Variants in MAVS observed in about 807,000 individuals in gnomAD.
The protein encoded by MAVS is mitochondrial antiviral-signaling protein.
MAVS carries 20 observed loss-of-function variants against 30.2 expected under a neutral mutation model. That is an observed-to-expected ratio of 0.66 (90% CI 0.47 to 0.96). The LOEUF is 0.96. Among genes scored for constraint, MAVS ranks in the 40% least tolerant of loss-of-function variants. The pLI is 0.00. For synonymous variants in MAVS, 278 were observed against 293.9 expected, an observed-to-expected ratio of 0.95 and a Z score of 0.55; for missense variants, 624 against 701.1, an observed-to-expected ratio of 0.89 and a Z score of 1.24.
In MAVS at chr20:3,864,371, TG is replaced by T; in HGVS notation, c.742del (p.Val248TyrfsTer55). On this transcript the variant is annotated frameshift_variant, in exon 6 of 7. Coordinates refer to ENST00000428216, the MANE Select transcript of MAVS (RefSeq NM_020746.5). LOFTEE classifies it high-confidence loss of function. ...SRLPGPTGSVVSTGTSFSSSS... is the reference protein window; with the variant it reads ...SRLPGPTGSVXSTGTSFSSSS... ...GCTTGCCTGGACCCACAGGGTCAGT[TG>T]TATCTACTGGCACCTCCTTCTCCTC... 6.2e-7 allele frequency: 1 copy of T among 1,614,052 alleles called. No homozygotes were observed. The highest frequency in any genetic ancestry group is 8.5e-7 in the Non-Finnish European group (1 of 1,180,012).
chr20:3,856,211 T>C (rs1221856205), intron 2 of MAVS, among the ~76,000 whole-genome samples: 3 of 151,256 alleles, frequency 2.0e-5, no homozygotes, highest in South Asian at 2.1e-4. Context: ...CCTGCCACCA[T>C]GCCCGGCTAA....
In MAVS at chr20:3,867,347, C is replaced by T; in HGVS notation, c.*1200C>T. ...ATGTAGGTCTTAGGATGAGTCCTGGCATTTACCAAGGGTTGGATATATGTT... is the reference window on the plus strand; with the variant it reads ...ATGTAGGTCTTAGGATGAGTCCTGGTATTTACCAAGGGTTGGATATATGTT... On this transcript the variant is annotated 3_prime_UTR_variant, in exon 7 of 7. Coordinates refer to ENST00000428216, the MANE Select transcript of MAVS (RefSeq NM_020746.5). 1 of 296,356 alleles carries T rather than the reference C, an allele frequency of 3.4e-6. No homozygotes were observed. 18.4% of individuals were successfully genotyped at this position (296,356 alleles called of 1,614,324 possible).
intron 3 of MAVS, among the ~76,000 whole-genome samples, chr20:3,859,289 C>A (rs1164993116): frequency 6.6e-6 from 1 of 152,002 alleles, no homozygotes; most frequent in South Asian, 2.1e-4. Context: ...GGGCGGATCA[C>A]AAGGTCAGGA....
At chr20:3,848,867 T>G (rs750032894) in intron 1 of MAVS, among the ~76,000 whole-genome samples, 8 of 152,054 alleles carry the variant, frequency 5.3e-5, no homozygotes, top group East Asian at 1.9e-4. Context: ...GAGTCATGCT[T>G]CTTTTCTCTC....
At chr20:3,859,870 G>A (rs1239653942) in intron 3 of MAVS, among the ~76,000 whole-genome samples, 3 of 151,998 alleles carry the variant, frequency 2.0e-5, no homozygotes, top group South Asian at 4.2e-4. Context: ...AGGCTGGAGT[G>A]CAGTGGTGCC....
At chr20:3,860,075 C>G (rs1362042026) in intron 3 of MAVS, among the ~76,000 whole-genome samples, 2 of 152,172 alleles carry the variant, frequency 1.3e-5, no homozygotes, top group East Asian at 3.9e-4. Context: ...CCTCGGCCTC[C>G]CAAAGTGCTG....
At chr20:3,856,057 A>ATTT (rs34856295) in intron 2 of MAVS, among the ~76,000 whole-genome samples, 1 of 129,874 alleles carries the variant, frequency 7.7e-6, no homozygotes, top group African/African-American at 3.0e-5. Flanking sequence ...CAGTGGCACG[A>ATTT]TTTTTTTTTT....
In MAVS at chr20:3,862,293, A is replaced by T. The variant is rs1160901424; in HGVS notation, c.505A>T (p.Ile169Phe). ...CCTGCAGACGCTCAGCCCCAGAGCC[A>T]TCCCAAGGAATCCAGATGGTGGCCC... is the stretch of plus-strand genomic sequence containing the variant. ...QALQTLSPRA[I>F]PRNPDGGPLE... is the part of the protein sequence containing the mutation. Residue 169 changes from isoleucine to phenylalanine, a missense_variant, in exon 5 of 7, where the codon ATC becomes TTC. By Grantham distance (21) the Ile-to-Phe change is conservative. Coordinates refer to ENST00000428216, the MANE Select transcript of MAVS (RefSeq NM_020746.5). The T allele has an allele frequency of 2.5e-6, 4 of 1,614,108 alleles. No homozygotes were observed. In the South Asian group the frequency reaches 4.4e-5, roughly 18 times the overall value.
At chr20:3,854,145 A>G (rs1315550721) in intron 1 of MAVS, among the ~76,000 whole-genome samples, 1 of 151,768 alleles carries the variant, frequency 6.6e-6, no homozygotes, top group Non-Finnish European at 1.5e-5. Flanking sequence ...AAAAACGGCC[A>G]GGTGTGGTGG....
Position 3,870,435 on chromosome 20 carries a change from A to C in MAVS, c.*4288A>C, listed in dbSNP as rs1360175758. The C allele has an allele frequency of 6.6e-6, 1 of 152,206 alleles. No homozygotes were observed. The highest frequency in any genetic ancestry group is 1.5e-5 in the Non-Finnish European group (1 of 68,038). 9.4% of individuals were successfully genotyped at this position (152,206 alleles called of 1,614,324 possible). On this transcript the variant is annotated 3_prime_UTR_variant, in exon 7 of 7. Transcript: ENST00000428216. ...TGGACTCTGCCTGGTGATAGACTGA[A>C]GCCAGAACAGTGCCACACCCTCGCC...
Position 3,846,878 on chromosome 20 carries a change from A to T in MAVS, c.-93A>T, listed in dbSNP as rs965231075. 1 of 152,350 alleles carries T rather than the reference A, an allele frequency of 6.6e-6. No individual in the cohort carries two copies. Among genetic ancestry groups the T allele is most frequent in the African/African-American group, 2.4e-5 (1 of 41,420 alleles). The allele number at this position is 152,350 out of a possible 1,614,324, so 9.4% of individuals were successfully genotyped here. On this transcript the variant is annotated 5_prime_UTR_variant, in exon 1 of 7. Coordinates refer to ENST00000428216, the MANE Select transcript of MAVS (RefSeq NM_020746.5). ...TCCTGGGCCCCGGGCGGCGGTCGCCAGGTCTCAGGGCCGGGGGTACCCGAG... is the reference window on the plus strand; with the variant it reads ...TCCTGGGCCCCGGGCGGCGGTCGCCTGGTCTCAGGGCCGGGGGTACCCGAG...
At position 3,874,598 on chromosome 20, in the gene MAVS, G is replaced by C. The variant is rs1007962383; in HGVS notation, c.*8451G>C. ...AGGGGCATCTTTGGTTGGTTGGGGG[G>C]GTATATTTGGCTTTCTCTGGTTGGT... On this transcript the variant is annotated 3_prime_UTR_variant, in exon 7 of 7. Transcript: ENST00000428216. 4 of 176,086 alleles carry C rather than the reference G, an allele frequency of 2.3e-5. No homozygotes were observed. Among genetic ancestry groups the C allele is most frequent in the African/African-American group, 9.4e-5 (4 of 42,356 alleles). The allele number at this position is 176,086 out of a possible 1,614,324, so 10.9% of individuals were successfully genotyped here.
chr20:3,854,901 T>TTTC, intron 2 of MAVS, among the ~76,000 whole-genome samples, 160 bp downstream of exon 2: 1 of 149,516 alleles, frequency 6.7e-6, no homozygotes. Flanking sequence ...CTTTTTTTTT[T>TTTC]TTTTTTTTGA....
chr20:3,864,260 G>A lies in MAVS; in HGVS notation c.630G>A (p.Ala210=), dbSNP rs1051879528. 1.2e-6 allele frequency: 2 copies of A among 1,600,724 alleles called. No individual in the cohort carries two copies. The highest frequency in any genetic ancestry group is 1.1e-5 in the South Asian group (1 of 89,772). ...TELGSTHTAG[A]TSSLTPSRGP... is the part of the protein sequence containing the mutation. ...CTTGTGTTTTTCCACCGGCAGGTGC[G>A]ACCTCCAGCCTCACACCATCCCGTG... The change falls in exon 6 of 7, where the codon GCG becomes GCA. Residue 210 remains alanine (A), a synonymous_variant. Transcript: ENST00000428216.
intron 2 of MAVS, among the ~76,000 whole-genome samples, chr20:3,855,285 T>C (rs555924303): frequency 2.0e-5 from 3 of 152,288 alleles, no homozygotes; most frequent in Admixed American, 1.3e-4. Context: ...CTCAAAAATA[T>C]GGCGCTGGCT....
chr20:3,855,310 G>A (rs1568533566), intron 2 of MAVS, among the ~76,000 whole-genome samples: 1 of 152,094 alleles, frequency 6.6e-6, no homozygotes, highest in Non-Finnish European at 1.5e-5. Context: ...GAGATTTCCT[G>A]GCTCTGGTCC....
At chr20:3,847,324 C>T (rs1262602811) in intron 1 of MAVS, among the ~76,000 whole-genome samples, 1 of 152,090 alleles carries the variant, frequency 6.6e-6, no homozygotes, top group Non-Finnish European at 1.5e-5. Flanking sequence ...TTCTCGGCGG[C>T]GACACCAGCT....
chr20:3,858,900 A>C lies in MAVS; in HGVS notation c.292+1091A>C, dbSNP rs145582834. Among the ~76,000 whole-genome samples the C allele has an allele frequency of 1.2e-3, 178 of 151,656 alleles. 1 individual carries two copies. The highest frequency in any genetic ancestry group is 4.2e-3 in the African/African-American group (173 of 41,388). On this transcript the variant is annotated intron_variant, in intron 3 of 6. Transcript: ENST00000428216. ...CTGCAGCCTTGACCTCCTGGACTCA[A>C]GTGATCCTTCTACCTCAGCCTCCAG...
chr20:3,865,597 TGCCCTGGC>T lies in MAVS; in HGVS notation c.1159-85_1159-78del. The T allele has an allele frequency of 7.9e-7, 1 of 1,263,358 alleles. No individual in the cohort carries two copies. Among genetic ancestry groups the T allele is most frequent in the Non-Finnish European group, 1.1e-6 (1 of 923,268 alleles). The allele number at this position is 1,263,358 out of a possible 1,614,324, so 78.3% of individuals were successfully genotyped here. Reference sequence around the variant, plus strand: ...ATTGAGGGGTTGGAGTGTTAGTTCATGCCCTGGCCTGGGAATGGGACCGCCCTACCAGG... The same window carrying T: ...ATTGAGGGGTTGGAGTGTTAGTTCATCTGGGAATGGGACCGCCCTACCAGG... On this transcript the variant is annotated intron_variant, in intron 6 of 6. Transcript: ENST00000428216. This position sits in a 1 kb window ranked among gnomAD's most constrained non-coding sequence, Gnocchi z 4.7.
Sources: allele counts gnomAD v4.1 joint callset (sites outside exome capture counted in the v4.1 genomes callset), GRCh38; gene constraint gnomAD v4.1.1; non-coding constraint Gnocchi (gnomAD v3.1); transcripts MANE v1.5; gene names NCBI Gene and HGNC (gene_info 2026-07-23, HGNC 2026-07-21).